PCGF3: variants seen among roughly 807,000 people sequenced by gnomAD.
PCGF3 encodes polycomb group ring finger 3.
Under a neutral mutation model 33.1 loss-of-function variants are expected in PCGF3, and 7 were observed. That is an observed-to-expected ratio of 0.21 (90% CI 0.12 to 0.40). The LOEUF (loss-of-function observed/expected upper bound fraction) is 0.40, where lower values mean the gene tolerates loss of function less well. Among genes scored for constraint, PCGF3 ranks in the 10% least tolerant of loss-of-function variants. The pLI is 1.00. For missense variants in PCGF3, 211 were observed against 313.3 expected (o/e 0.67, Z 2.46); for synonymous variants, 153 against 121.3 (o/e 1.26, Z -1.72).
At position 707,701 on chromosome 4, in the gene PCGF3, C is replaced by T. The variant is rs113844434; in HGVS notation, c.-190+1731C>T. On this transcript the variant is annotated intron_variant, in intron 1 of 10. Transcript: ENST00000362003. Reference sequence around the variant, plus strand: ...GACAGCTCTGTTTTCCCCTGGGGGCCGGGACCCTGAGACAGCTCTGTTTTC... The same window carrying T: ...GACAGCTCTGTTTTCCCCTGGGGGCTGGGACCCTGAGACAGCTCTGTTTTC... 1.9e-5 allele frequency among the ~76,000 whole-genome samples: 2 copies of T among 104,992 alleles called. 1 individual carries two copies. The highest frequency in any genetic ancestry group is 4.2e-5 in the Non-Finnish European group (2 of 47,760). 68.9% of individuals were successfully genotyped at this position (104,992 alleles called of 152,430 possible). A position where few individuals can be genotyped will look rare whatever the true frequency, so the allele number is the denominator to read the frequency against.
intron 8 of PCGF3, among the ~76,000 whole-genome samples, chr4:754,573 C>T (rs1560214890): frequency 6.6e-6 from 1 of 152,180 alleles, no homozygotes; most frequent in African/African-American, 2.4e-5. Flanking sequence ...GACCTGGTGC[C>T]AGGCTGCCCC....
At chr4:752,816 C>T (rs1375902451) in intron 8 of PCGF3, among the ~76,000 whole-genome samples, 1 of 152,262 alleles carries the variant, frequency 6.6e-6, no homozygotes, top group Non-Finnish European at 1.5e-5. Flanking sequence ...CAGAGATTCC[C>T]GCCGCCTTCA....
intron 8 of PCGF3, among the ~76,000 whole-genome samples, chr4:758,354 G>A (rs1744871605): frequency 6.9e-6 from 1 of 145,162 alleles, no homozygotes; most frequent in African/African-American, 2.6e-5. Flanking sequence ...CCGGACTCCA[G>A]GTCTTTCTCC....
intron 6 of PCGF3, among the ~76,000 whole-genome samples, chr4:741,625 T>C (rs986379975): frequency 2.0e-5 from 3 of 152,058 alleles, no homozygotes; most frequent in African/African-American, 7.2e-5. Context: ...GCCAGGCTGG[T>C]CTCGAACTCC....
rs920744555 is a variant in PCGF3, at chr4:720,757, C to T, written c.-189-9873C>T. ...GTGTGGACCCGGCGTGGACGCAGCC[C>T]CGACGTGAATGGATGTGGTTCCGAC... is the stretch of plus-strand genomic sequence containing the variant. On this transcript the variant is annotated intron_variant, in intron 1 of 10. Coordinates refer to ENST00000362003, the Ensembl canonical transcript of PCGF3. This position sits in a 1 kb window ranked among gnomAD's most constrained non-coding sequence, Gnocchi z 5.6. 2.6e-5 allele frequency among the ~76,000 whole-genome samples: 4 copies of T among 151,932 alleles called. No homozygotes were observed. The highest frequency in any genetic ancestry group is 5.9e-5 in the Non-Finnish European group (4 of 67,960).
At chr4:737,962 G>A (rs1412180142) in intron 6 of PCGF3, among the ~76,000 whole-genome samples, 1 of 152,200 alleles carries the variant, frequency 6.6e-6, no homozygotes, top group African/African-American at 2.4e-5. Context: ...ATTTCATTTA[G>A]AATTAAAAGA....
At chr4:761,615 A>G (rs1248545289) in intron 9 of PCGF3, 199 bp downstream of exon 9, 2 of 960,804 alleles carry the variant, frequency 2.1e-6, no homozygotes, top group Non-Finnish European at 2.5e-6. Flanking sequence ...GAGACAGGGA[A>G]CGTGGAATGC....
At chr4:748,983 T>C (rs1436600163) in intron 8 of PCGF3, among the ~76,000 whole-genome samples, 3 of 152,166 alleles carry the variant, frequency 2.0e-5, no homozygotes, top group Non-Finnish European at 4.4e-5. Context: ...TGGTTTTCCA[T>C]GGATCGATGT....
At chr4:734,855 G>A (rs1027603181) in intron 4 of PCGF3, 76 bp from the exon 5 acceptor site, 1 of 1,552,632 alleles carries the variant, frequency 6.4e-7, no homozygotes, top group African/African-American at 1.4e-5. Context: ...AGACGCCCGT[G>A]TTCAGTGGAG....
Position 765,948 on chromosome 4 carries a change from T to A in PCGF3, c.682-84T>A. The A allele has an allele frequency of 2.2e-5, 29 of 1,290,490 alleles. No homozygotes were observed. The South Asian group carries it at 3.3e-4, about 15-fold the overall frequency. 79.9% of individuals were successfully genotyped at this position (1,290,490 alleles called of 1,614,324 possible). A position where few individuals can be genotyped will look rare whatever the true frequency, so the allele number is the denominator to read the frequency against. Reference sequence around the variant, plus strand: ...GTGGACTGTGCCTCACGGGACGTGATTCCTCAGCACCCTTCCCGATGAAGT... The same window carrying A: ...GTGGACTGTGCCTCACGGGACGTGAATCCTCAGCACCCTTCCCGATGAAGT... On this transcript the variant is annotated intron_variant, in intron 10 of 10. Transcript: ENST00000362003.
chr4:718,156 C>T (rs534276910), intron 1 of PCGF3, among the ~76,000 whole-genome samples: 1 of 152,270 alleles, frequency 6.6e-6, no homozygotes, highest in African/African-American at 2.4e-5. Flanking sequence ...GATGGACGTG[C>T]CGGCCGCCCA....
intron 8 of PCGF3, among the ~76,000 whole-genome samples, chr4:760,090 C>G (rs1304279423): frequency 6.6e-6 from 1 of 152,238 alleles, no homozygotes; most frequent in Non-Finnish European, 1.5e-5. Context: ...TGCACAGAAT[C>G]CACTTATCTC....
intron 8 of PCGF3, among the ~76,000 whole-genome samples, chr4:751,246 GA>G (rs1744498712): frequency 6.6e-6 from 1 of 152,150 alleles, no homozygotes; most frequent in African/African-American, 2.4e-5. Flanking sequence ...CAAAACTTGG[GA>G]AGTCATCCGA....
At chr4:737,144 G>A (rs1228449638) in intron 5 of PCGF3, among the ~76,000 whole-genome samples, 7 of 150,686 alleles carry the variant, frequency 4.6e-5, no homozygotes, top group Non-Finnish European at 1.0e-4. Flanking sequence ...GGAACCTGGG[G>A]TGTCTGCAGG....
chr4:732,885 G>A (rs1228295912), intron 3 of PCGF3, among the ~76,000 whole-genome samples: 1 of 152,226 alleles, frequency 6.6e-6, no homozygotes, highest in Non-Finnish European at 1.5e-5. Context: ...AAGCACAGAA[G>A]CAAATCACCA....
chr4:755,158 C>T (rs1294561419), intron 8 of PCGF3, among the ~76,000 whole-genome samples: 3 of 152,252 alleles, frequency 2.0e-5, no homozygotes, highest in Admixed American at 6.5e-5. Context: ...GCGTTGTGTG[C>T]GTGGCACGTG....
intron 6 of PCGF3, among the ~76,000 whole-genome samples, chr4:737,950 A>C (rs903553759): frequency 3.3e-5 from 5 of 152,234 alleles, no homozygotes; most frequent in African/African-American, 1.2e-4. Flanking sequence ...CCATAAAGTC[A>C]AATTTCATTT....
chr4:712,338 C>A (rs1742605112), intron 1 of PCGF3, among the ~76,000 whole-genome samples: 1 of 152,218 alleles, frequency 6.6e-6, no homozygotes. Flanking sequence ...CTCCCATTGA[C>A]AGGAACTCAC....
chr4:766,474 A>C (rs578057826), exon 11 of PCGF3: 169 of 162,598 alleles, frequency 1.0e-3, no homozygotes, highest in Admixed American at 1.7e-3. Flanking sequence ...CCTCAAGTGT[A>C]GTTGGACTTT....
Sources: allele counts gnomAD v4.1 joint callset (sites outside exome capture counted in the v4.1 genomes callset), GRCh38; gene constraint gnomAD v4.1.1; non-coding constraint Gnocchi (gnomAD v3.1); transcripts MANE v1.5; gene names NCBI Gene and HGNC (gene_info 2026-07-23, HGNC 2026-07-21).